Variants in P2RY8 observed in about 807,000 individuals in gnomAD.
P2RY8 encodes P2Y receptor family member 8.
P2RY8 carries 6 observed loss-of-function variants against 10.0 expected under a neutral mutation model. That is an observed-to-expected ratio of 0.60 (90% CI 0.33 to 1.19). P2RY8 has a LOEUF of 1.19. P2RY8 is among the 50% of genes most tolerant of loss of function. The pLI, the probability that P2RY8 is intolerant of heterozygous loss-of-function variation, is 0.04. For missense variants in P2RY8, 456 were observed against 542.0 expected (o/e 0.84, Z 1.58); for synonymous variants, 276 against 252.5 (o/e 1.09, Z -0.88).
rs1335071838 is a variant in P2RY8 at position 1,463,980 on chromosome X, TA to T, written c.*1498del. 170 of 233,304 alleles carry T rather than the reference TA, an allele frequency of 7.3e-4. No individual in the cohort carries two copies. The highest frequency in any genetic ancestry group is 2.5e-3 in the Middle Eastern group (2 of 786). The allele number at this position is 233,304 out of a possible 1,614,324, so 14.5% of individuals were successfully genotyped here. ...CAGGTGGACACGGGTTTGGGAATGA[TA>T]ATTCATTACTAAACCATCTCTGTTT... On this transcript the variant is annotated 3_prime_UTR_variant, in exon 2 of 2. Coordinates refer to ENST00000381297, the MANE Select transcript of P2RY8 (RefSeq NM_178129.5).
chrX:1,500,728 G>A (rs1459014507), intron 1 of P2RY8, among the ~76,000 whole-genome samples: 25 of 152,196 alleles, frequency 1.6e-4, no homozygotes, highest in African/African-American at 5.3e-4. Context: ...GATTACAGGC[G>A]AGAGGCCCTG....
chrX:1,510,229 G>A (rs1169618999), intron 1 of P2RY8, among the ~76,000 whole-genome samples: 2 of 151,992 alleles, frequency 1.3e-5, no homozygotes, highest in East Asian at 3.9e-4. Flanking sequence ...ATCAATCATC[G>A]AATAGCTATA....
chrX:1,486,101 C>T (rs2091983716), intron 1 of P2RY8, among the ~76,000 whole-genome samples: 2 of 152,226 alleles, frequency 1.3e-5, no homozygotes, highest in Non-Finnish European at 2.9e-5. Flanking sequence ...ACCTGTCATC[C>T]CAGCCACTTG....
intron 1 of P2RY8, among the ~76,000 whole-genome samples, chrX:1,476,012 G>A (rs1227032091): frequency 1.9e-4 from 29 of 152,084 alleles, no homozygotes; most frequent in Non-Finnish European, 2.9e-4. Context: ...TCCCTGCAGG[G>A]GCCAAGACAT....
chrX:1,513,323 A>G (rs1224108219), intron 1 of P2RY8, among the ~76,000 whole-genome samples: 2 of 152,108 alleles, frequency 1.3e-5, no homozygotes, highest in African/African-American at 4.8e-5. Flanking sequence ...TAGTGCTGCA[A>G]TAAACATAGA....
At chrX:1,524,606 T>TCCATTCATCC (rs1569538707) in intron 1 of P2RY8, among the ~76,000 whole-genome samples, 1 of 16,500 alleles carries the variant, frequency 6.1e-5, no homozygotes, top group Admixed American at 5.9e-4. Flanking sequence ...TTCATCCATC[T>TCCATTCATCC]ATCCATCCAT....
rs142119278 is a variant in P2RY8 at position 1,529,652 on chromosome X, A to C, written c.-25+7269T>G. Among the ~76,000 whole-genome samples the C allele has an allele frequency of 6.8e-3, 1,041 of 152,180 alleles. 13 individuals are homozygous for C. Among genetic ancestry groups the C allele is most frequent in the African/African-American group, 0.024 (988 of 41,516 alleles). ...GCCTGAGCATGAGAGAGTCTCTGTT[A>C]GTGACTATCTATCCATCTATATCTA... On this transcript the variant is annotated intron_variant, in intron 1 of 1. Coordinates refer to ENST00000381297, the MANE Select transcript of P2RY8 (RefSeq NM_178129.5).
intron 1 of P2RY8, among the ~76,000 whole-genome samples, chrX:1,534,367 C>T (rs185266872): frequency 2.0e-5 from 3 of 151,190 alleles, no homozygotes; most frequent in Non-Finnish European, 2.9e-5. Context: ...CATTGTGAAC[C>T]GCAGAACACT....
In P2RY8 at chrX:1,498,178, G is replaced by A. The variant is rs533719913; in HGVS notation, c.-24-31596C>T. ...TCCCAGCACTTTGGGAGGCCGAGGC[G>A]GGCAGATCGCGAGGTCAGGAGATCA... On this transcript the variant is annotated intron_variant, in intron 1 of 1. Coordinates refer to ENST00000381297, the MANE Select transcript of P2RY8 (RefSeq NM_178129.5). Among the ~76,000 whole-genome samples the A allele has an allele frequency of 8.6e-5, 13 of 151,994 alleles. No individual in the cohort carries two copies. In the South Asian group the frequency reaches 1.9e-3, roughly 22 times the overall value.
chrX:1,535,238 A>G (rs1382324890), intron 1 of P2RY8, among the ~76,000 whole-genome samples: 1 of 114,128 alleles, frequency 8.8e-6, no homozygotes, highest in Non-Finnish European at 1.6e-5. Context: ...CCCAGGCTGG[A>G]GTGCAGTGGC....
rs762174149 is a variant in P2RY8, at chrX:1,536,609, A to C, written c.-25+312T>G. On this transcript the variant is annotated intron_variant, in intron 1 of 1. Transcript: ENST00000381297. The stretch of plus-strand genomic sequence containing the variant: ...ACGGGGTTTCACCGTGTTAGCCAGG[A>C]TGGTCTCGAACTCCTGACCTCGTGA... 3.3e-3 allele frequency among the ~76,000 whole-genome samples: 495 copies of C among 152,136 alleles called. 2 individuals carry two copies. The highest frequency in any genetic ancestry group is 5.5e-3 in the Non-Finnish European group (374 of 67,984).
At chrX:1,505,174 A>C (rs2092220849) in intron 1 of P2RY8, among the ~76,000 whole-genome samples, 1 of 151,240 alleles carries the variant, frequency 6.6e-6, no homozygotes, top group Non-Finnish European at 1.5e-5. Flanking sequence ...CTCATGCTCA[A>C]CCTCAAATTG....
Position 1,463,977 on chromosome X carries a change from T to C in P2RY8, c.*1502A>G, listed in dbSNP as rs2091625275. On this transcript the variant is annotated 3_prime_UTR_variant, in exon 2 of 2. Transcript: ENST00000381297. Reference sequence around the variant, plus strand: ...TTCCAGGTGGACACGGGTTTGGGAATGATAATTCATTACTAAACCATCTCT... The same window carrying C: ...TTCCAGGTGGACACGGGTTTGGGAACGATAATTCATTACTAAACCATCTCT... The C allele has an allele frequency of 4.3e-6, 1 of 233,200 alleles. No homozygotes were observed. Among genetic ancestry groups the C allele is most frequent in the South Asian group, 1.8e-4 (1 of 5,530 alleles). 14.4% of individuals were successfully genotyped at this position (233,200 alleles called of 1,614,324 possible).
intron 1 of P2RY8, among the ~76,000 whole-genome samples, chrX:1,491,948 A>G (rs1317704134): frequency 6.6e-6 from 1 of 152,222 alleles, no homozygotes; most frequent in Non-Finnish European, 1.5e-5. Flanking sequence ...TGGAATGGAC[A>G]GAAGGCGGCA....
intron 1 of P2RY8, among the ~76,000 whole-genome samples, chrX:1,503,246 CG>C (rs1331050293): frequency 6.6e-6 from 1 of 152,106 alleles, no homozygotes; most frequent in Non-Finnish European, 1.5e-5. Context: ...TGAGGGAGCA[CG>C]GACCTGAGAC....
At chrX:1,502,770 A>AG (rs1205336116) in intron 1 of P2RY8, among the ~76,000 whole-genome samples, 1 of 152,218 alleles carries the variant, frequency 6.6e-6, no homozygotes, top group African/African-American at 2.4e-5. Flanking sequence ...TCTAAGAGAC[A>AG]GGAGAGGAGA....
intron 1 of P2RY8, among the ~76,000 whole-genome samples, chrX:1,532,283 CAT>C (rs1190358933): frequency 6.9e-6 from 1 of 145,104 alleles, no homozygotes; most frequent in African/African-American, 2.5e-5. Context: ...AACACACACA[CAT>C]ATATGTCATA....
intron 1 of P2RY8, among the ~76,000 whole-genome samples, chrX:1,515,381 T>C (rs1401339769): frequency 6.6e-6 from 1 of 151,492 alleles, no homozygotes. Flanking sequence ...TCTTTCTTTT[T>C]TTTTTTTTTG....
chrX:1,519,865 T>G (rs1324270012), intron 1 of P2RY8, among the ~76,000 whole-genome samples: 15 of 151,182 alleles, frequency 9.9e-5, no homozygotes, highest in African/African-American at 3.6e-4. Context: ...ATCATCTTCT[T>G]GATCTCTAAT....
Sources: allele counts gnomAD v4.1 joint callset (sites outside exome capture counted in the v4.1 genomes callset), GRCh38; gene constraint gnomAD v4.1.1; transcripts MANE v1.5; gene names NCBI Gene and HGNC (gene_info 2026-07-23, HGNC 2026-07-21).